Variants in LPIN2 observed in about 807,000 individuals in gnomAD.
LPIN2 encodes phosphatidate phosphatase LPIN2.
A neutral mutation model predicts 111.4 loss-of-function variants in LPIN2; 55 were observed. That is an observed-to-expected ratio of 0.49 (90% CI 0.40 to 0.62). LPIN2 has a LOEUF of 0.62. Among genes scored for constraint, LPIN2 ranks in the 20% least tolerant of loss-of-function variants. The pLI, the probability that LPIN2 is intolerant of heterozygous loss-of-function variation, is 0.00. For missense variants in LPIN2, 992 were observed against 1,112.1 expected, an observed-to-expected ratio of 0.89 and a Z score of 1.54; for synonymous variants, 425 against 414.0, an observed-to-expected ratio of 1.03 and a Z score of -0.32.
chr18:2,961,039 G>A (rs1373490820), intron 1 of LPIN2, among the ~76,000 whole-genome samples, 190 bp from the exon 2 acceptor site: 1 of 151,988 alleles, frequency 6.6e-6, no homozygotes, highest in Non-Finnish European at 1.5e-5. Context: ...CGGACCTCCC[G>A]AGACTATTCT....
In LPIN2 at chr18:2,931,481, C is replaced by T. The variant is rs374961638; in HGVS notation, c.1269-38G>A. The T allele has an allele frequency of 3.7e-5, 57 of 1,540,710 alleles. No individual in the cohort carries two copies. In the African/African-American group the frequency reaches 5.9e-4, roughly 16 times the overall value. On this transcript the variant is annotated intron_variant, in intron 8 of 19. Coordinates refer to ENST00000677752, the MANE Select transcript of LPIN2 (RefSeq NM_001375808.2). ...GATGGGGAAAAGATGTGCTTTATTA[C>T]AACTCCTTGAATTCCTAGTTTACTG... is the stretch of plus-strand genomic sequence containing the variant.
chr18:3,004,232 C>T (rs1401189403), intron 1 of LPIN2, among the ~76,000 whole-genome samples: 1 of 152,112 alleles, frequency 6.6e-6, no homozygotes, highest in Non-Finnish European at 1.5e-5. Flanking sequence ...ATCTTATTGC[C>T]CTTTGAAGCA....
At chr18:2,989,620 T>TA (rs61379852) in intron 1 of LPIN2, among the ~76,000 whole-genome samples, 2 of 152,038 alleles carry the variant, frequency 1.3e-5, no homozygotes, top group African/African-American at 4.8e-5. Context: ...TTTCAAAACT[T>TA]TCAAAGTTAC....
intron 4 of LPIN2, among the ~76,000 whole-genome samples, chr18:2,949,186 G>A (rs1428655169): frequency 6.6e-6 from 1 of 152,168 alleles, no homozygotes; most frequent in South Asian, 2.1e-4. Context: ...TGAAGAGAAG[G>A]ACAAATAACC....
intron 2 of LPIN2, among the ~76,000 whole-genome samples, chr18:2,956,381 C>T (rs1408400069): frequency 6.8e-6 from 1 of 147,670 alleles, no homozygotes; most frequent in Non-Finnish European, 1.5e-5. Flanking sequence ...CTGGCTCTGC[C>T]AGCTTGGGCT....
rs1598519292 is a variant in LPIN2, at chr18:2,921,994, G to A, written c.2327+53C>T. 3.2e-6 allele frequency: 5 copies of A among 1,581,242 alleles called. No homozygotes were observed. The East Asian group carries it at 9.1e-5, about 29-fold the overall frequency. ...CACACATCCCCCCACCTTGGGCCCAGCCCCGCCCACATGCTGGGGCGGTGG... is the reference window on the plus strand; with the variant it reads ...CACACATCCCCCCACCTTGGGCCCAACCCCGCCCACATGCTGGGGCGGTGG... On this transcript the variant is annotated intron_variant, in intron 17 of 19. Transcript: ENST00000677752.
chr18:2,919,934 A>G lies in LPIN2; in HGVS notation c.*359T>C. ...TCAACTGCCCAGTGGAAACTGGAAC[A>G]CTTCACTGTGTGCAGTGTTTTGGTC... On this transcript the variant is annotated 3_prime_UTR_variant, in exon 20 of 20. Transcript: ENST00000677752. The G allele has an allele frequency of 2.8e-6, 1 of 355,442 alleles. No individual in the cohort carries two copies. The highest frequency in any genetic ancestry group is 2.4e-5 in the South Asian group (1 of 41,038). 22.0% of individuals were successfully genotyped at this position (355,442 alleles called of 1,614,324 possible). A position where few individuals can be genotyped will look rare whatever the true frequency, so the allele number is the denominator to read the frequency against.
intron 19 of LPIN2, 68 bp from the exon 20 acceptor site, chr18:2,920,505 G>A (rs1438860827): frequency 1.3e-6 from 2 of 1,560,210 alleles, no homozygotes; most frequent in African/African-American, 1.4e-5. Context: ...CAAGATGGGG[G>A]GCTGTGAAGC....
chr18:3,001,676 GA>G (rs2078437657), intron 1 of LPIN2, among the ~76,000 whole-genome samples: 1 of 152,088 alleles, frequency 6.6e-6, no homozygotes, highest in South Asian at 2.1e-4. Context: ...CACAAGCACA[GA>G]AAAGAAATGA....
intron 1 of LPIN2, among the ~76,000 whole-genome samples, chr18:2,977,632 A>G (rs556494330): frequency 6.6e-6 from 1 of 152,306 alleles, no homozygotes; most frequent in East Asian, 1.9e-4. Context: ...TATGTCAGAG[A>G]AAAAACAGGA....
In LPIN2 at chr18:2,922,292, T is replaced by G; in HGVS notation, c.2175-93A>C. ...AAAAACCCCACACTTTTCTTTCTTTTTTTTTTGAGTCTCACTCTGTTACCC... is the reference window on the plus strand; with the variant it reads ...AAAAACCCCACACTTTTCTTTCTTTGTTTTTTGAGTCTCACTCTGTTACCC... On this transcript the variant is annotated intron_variant, in intron 16 of 19. Transcript: ENST00000677752. 3.5e-6 allele frequency: 5 copies of G among 1,436,574 alleles called. No homozygotes were observed. In the Admixed American group the frequency reaches 6.3e-5, roughly 18 times the overall value. The allele number at this position is 1,436,574 out of a possible 1,614,324, so 89.0% of individuals were successfully genotyped here. A position where few individuals can be genotyped will look rare whatever the true frequency, so the allele number is the denominator to read the frequency against.
chr18:2,988,392 A>T (rs1054572919), intron 1 of LPIN2, among the ~76,000 whole-genome samples: 4 of 152,246 alleles, frequency 2.6e-5, no homozygotes, highest in African/African-American at 9.6e-5. Context: ...GAAGAATTTT[A>T]TTTAATTGGT....
chr18:2,989,710 C>G (rs2078236334), intron 1 of LPIN2, among the ~76,000 whole-genome samples: 1 of 152,064 alleles, frequency 6.6e-6, no homozygotes, highest in African/African-American at 2.4e-5. Context: ...CACTTGAGGT[C>G]AGGAGTTCGA....
intron 4 of LPIN2, among the ~76,000 whole-genome samples, chr18:2,943,001 G>T (rs1475869865): frequency 6.6e-6 from 1 of 152,220 alleles, no homozygotes; most frequent in Non-Finnish European, 1.5e-5. Context: ...TTCACAGCCA[G>T]TGTGAACAGG....
chr18:2,996,368 A>C (rs1222519662), intron 1 of LPIN2, among the ~76,000 whole-genome samples: 1 of 151,904 alleles, frequency 6.6e-6, no homozygotes, highest in Non-Finnish European at 1.5e-5. Flanking sequence ...TGGTTCTTTT[A>C]TAATGTCCAT....
At chr18:2,951,398 C>T (rs375298800) in intron 3 of LPIN2, 42 bp from the exon 4 acceptor site, 82 of 1,508,446 alleles carry the variant, frequency 5.4e-5, no homozygotes, top group Non-Finnish European at 6.6e-5. Flanking sequence ...ATGACAAACT[C>T]GACAGTGAAT....
chr18:2,923,856 T>A lies in LPIN2; in HGVS notation c.2093A>T (p.Asp698Val). 1 of 1,613,966 alleles carries A rather than the reference T, an allele frequency of 6.2e-7. No individual in the cohort carries two copies. Among genetic ancestry groups the A allele is most frequent in the African/African-American group, 1.3e-5 (1 of 75,042 alleles). ...SDIDGTITKSDALGQILPQLG... is the reference protein window; with the variant it reads ...SDIDGTITKSVALGQILPQLG... ...CTGTGGGAGAATCTGTCCCAAAGCATCCGACCTAAGAAGACGGTAGAAACA... is the reference window on the plus strand; with the variant it reads ...CTGTGGGAGAATCTGTCCCAAAGCAACCGACCTAAGAAGACGGTAGAAACA... Residue 698 changes from aspartate to valine, a missense_variant, in exon 16 of 20, where the codon GAT becomes GTT. This residue lies in a region of LPIN2 where 709 missense variants were observed against 753.2 expected (regional missense o/e 0.94). Transcript: ENST00000677752.
chr18:2,945,651 T>C, intron 4 of LPIN2: 1 of 1,449,596 alleles, frequency 6.9e-7, no homozygotes, highest in Non-Finnish European at 9.7e-7. Flanking sequence ...TTTCAATCTT[T>C]GTTGCAGTCA....
chr18:2,930,760 C>T (rs1468609735), intron 9 of LPIN2, among the ~76,000 whole-genome samples: 1 of 152,208 alleles, frequency 6.6e-6, no homozygotes, highest in Non-Finnish European at 1.5e-5. Context: ...GCAAGCTTTA[C>T]TCTCGTAGGC....
Sources: allele counts gnomAD v4.1 joint callset (sites outside exome capture counted in the v4.1 genomes callset), GRCh38; gene constraint gnomAD v4.1.1; regional missense constraint gnomAD v4.1.1; transcripts MANE v1.5; gene names NCBI Gene and HGNC (gene_info 2026-07-23, HGNC 2026-07-21).